Variants in RNF8 observed in about 807,000 individuals in gnomAD.
The protein encoded by RNF8 is ring finger protein 8, also known as E3 ubiquitin-protein ligase RNF8.
A neutral mutation model predicts 59.3 loss-of-function variants in RNF8; 8 were observed. The observed-to-expected ratio is 0.13, with a 90% CI of 0.08 to 0.24. RNF8 has a LOEUF of 0.24. Ranked by LOEUF, RNF8 falls within the 10% of genes least tolerant of loss-of-function variation. The probability of loss-of-function intolerance (pLI) is 1.00; values close to 1 mark genes in which losing one functional copy is unlikely to be tolerated. For missense variants in RNF8, 406 were observed against 572.6 expected (o/e 0.71, Z 2.97); for synonymous variants, 162 against 200.0 (o/e 0.81, Z 1.60).
intron 3 of RNF8, 28 bp from the exon 4 acceptor site, chr6:37,371,484 A>T (rs368468000): frequency 3.1e-6 from 5 of 1,606,216 alleles, no homozygotes; most frequent in Non-Finnish European, 4.3e-6. Context: ...CCTGCAGAGA[A>T]ACCTTCCATT....
Position 37,392,460 on chromosome 6 carries a change from C to T in RNF8, c.*1702C>T. ...CCCTTTCCCCACAGCGACTACTTCC[C>T]ACTCAGAGGCAACAAGTATTACAGT... is the stretch of plus-strand genomic sequence containing the variant. On this transcript the variant is annotated 3_prime_UTR_variant, in exon 8 of 8. Transcript: ENST00000373479. The T allele has an allele frequency of 5.0e-6, 2 of 398,594 alleles. No homozygotes were observed. Among genetic ancestry groups the T allele is most frequent in the Non-Finnish European group, 8.8e-6 (2 of 226,060 alleles). The allele number at this position is 398,594 out of a possible 1,614,324, so 24.7% of individuals were successfully genotyped here. A position where few individuals can be genotyped will look rare whatever the true frequency, so the allele number is the denominator to read the frequency against.
At chr6:37,371,350 C>T (rs1482741377) in intron 3 of RNF8, among the ~76,000 whole-genome samples, 162 bp from the exon 4 acceptor site, 1 of 152,154 alleles carries the variant, frequency 6.6e-6, no homozygotes, top group Non-Finnish European at 1.5e-5. Flanking sequence ...AAATTCTTTA[C>T]TGCCAACAGC....
chr6:37,385,348 G>A (rs1290407242), intron 7 of RNF8, among the ~76,000 whole-genome samples: 1 of 151,326 alleles, frequency 6.6e-6, no homozygotes, highest in Non-Finnish European at 1.5e-5. Context: ...TGTATGCAGG[G>A]CGGGTGCTGT....
At chr6:37,357,553 G>A (rs1769168518) in intron 1 of RNF8, among the ~76,000 whole-genome samples, 1 of 152,192 alleles carries the variant, frequency 6.6e-6, no homozygotes, top group East Asian at 1.9e-4. Context: ...ACTGAATATG[G>A]ACGACAGATA....
chr6:37,371,665 C>T, intron 4 of RNF8, 91 bp downstream of exon 4: 1 of 1,009,410 alleles, frequency 9.9e-7, no homozygotes. Context: ...TGCTGCTTAG[C>T]CCATACCTCT....
intron 4 of RNF8, among the ~76,000 whole-genome samples, chr6:37,371,859 C>G (rs1336886031): frequency 6.6e-6 from 1 of 152,182 alleles, no homozygotes; most frequent in African/African-American, 2.4e-5. Flanking sequence ...GGAAGTGGCT[C>G]CACTTCTAGA....
intron 3 of RNF8, 150 bp downstream of exon 3, chr6:37,369,368 A>G: frequency 1.0e-6 from 1 of 989,244 alleles, no homozygotes; most frequent in Non-Finnish European, 1.5e-6. Context: ...AACTTTTGAG[A>G]TAAGGGAAGG....
intron 1 of RNF8, among the ~76,000 whole-genome samples, chr6:37,358,882 A>T (rs1423911820): frequency 3.3e-5 from 5 of 152,140 alleles, no homozygotes; most frequent in African/African-American, 1.2e-4. Context: ...AGATCACTTG[A>T]GATCAGGAGT....
chr6:37,390,971 C>A lies in RNF8; in HGVS notation c.*213C>A. On this transcript the variant is annotated 3_prime_UTR_variant, in exon 8 of 8. Transcript: ENST00000373479. ...GCTGAAGCACCACCAGGATTCACGGCACCCAACTGCTTCAGGGTACTTCGT... is the reference window on the plus strand; with the variant it reads ...GCTGAAGCACCACCAGGATTCACGGAACCCAACTGCTTCAGGGTACTTCGT... 1 of 697,590 alleles carries A rather than the reference C, an allele frequency of 1.4e-6. No individual in the cohort carries two copies. Among genetic ancestry groups the A allele is most frequent in the South Asian group, 1.6e-5 (1 of 60,900 alleles). 43.2% of individuals were successfully genotyped at this position (697,590 alleles called of 1,614,324 possible).
At chr6:37,385,292 C>T (rs986797988) in intron 7 of RNF8, among the ~76,000 whole-genome samples, 2 of 150,884 alleles carry the variant, frequency 1.3e-5, no homozygotes, top group Non-Finnish European at 3.0e-5. Flanking sequence ...GGATTACAGG[C>T]GTGAGCCACC....
intron 2 of RNF8, among the ~76,000 whole-genome samples, chr6:37,366,157 G>C (rs910083638): frequency 2.6e-5 from 4 of 152,162 alleles, no homozygotes; most frequent in Non-Finnish European, 5.9e-5. Flanking sequence ...TCAGAACTCA[G>C]AAGTTCTGAG....
intron 2 of RNF8, 88 bp from the exon 3 acceptor site, chr6:37,368,396 G>T: frequency 6.2e-7 from 1 of 1,611,716 alleles, no homozygotes. Flanking sequence ...TTCTGAAAAG[G>T]CAGAAGATTT....
At chr6:37,355,793 C>T (rs1400255961) in intron 1 of RNF8, among the ~76,000 whole-genome samples, 1 of 152,214 alleles carries the variant, frequency 6.6e-6, no homozygotes, top group Non-Finnish European at 1.5e-5. Context: ...ACTGATCTTT[C>T]CCTGCCTGGC....
intron 7 of RNF8, among the ~76,000 whole-genome samples, chr6:37,387,963 T>G (rs1770581387): frequency 6.6e-6 from 1 of 152,154 alleles, no homozygotes; most frequent in South Asian, 2.1e-4. Context: ...GACTGGGTCA[T>G]GCAGGGTGTT....
rs1770718465 is a variant in RNF8, at chr6:37,391,197, C to T, written c.*439C>T. 1 of 201,598 alleles carries T rather than the reference C, an allele frequency of 5.0e-6. No homozygotes were observed. Among genetic ancestry groups the T allele is most frequent in the Admixed American group, 5.6e-5 (1 of 17,792 alleles). The allele number at this position is 201,598 out of a possible 1,614,324, so 12.5% of individuals were successfully genotyped here. Reference sequence around the variant, plus strand: ...GGCTTACCTCTTCTTTGTGAAAATACTATCTCATTTCCTGGAAATAAAATG... The same window carrying T: ...GGCTTACCTCTTCTTTGTGAAAATATTATCTCATTTCCTGGAAATAAAATG... On this transcript the variant is annotated 3_prime_UTR_variant, in exon 8 of 8. Coordinates refer to ENST00000373479, the MANE Select transcript of RNF8 (RefSeq NM_003958.4).
At chr6:37,357,732 T>C (rs962782947) in intron 1 of RNF8, among the ~76,000 whole-genome samples, 2 of 152,230 alleles carry the variant, frequency 1.3e-5, no homozygotes, top group African/African-American at 4.8e-5. Context: ...GAGTTCCAAC[T>C]GCTGCTCCAT....
In RNF8 at chr6:37,386,075, A is replaced by G. The variant is rs11963785; in HGVS notation, c.1442-4667A>G. ...GATCTTGAACTCCTGAGCTCGAGCA[A>G]TCCACCCGCCTCAGCCTCCCAAAGT... is the stretch of plus-strand genomic sequence containing the variant. On this transcript the variant is annotated intron_variant, in intron 7 of 7. Coordinates refer to ENST00000373479, the MANE Select transcript of RNF8 (RefSeq NM_003958.4). 8.9e-3 allele frequency among the ~76,000 whole-genome samples: 1,346 copies of G among 151,286 alleles called. 17 individuals carry two copies. The highest frequency in any genetic ancestry group is 0.03 in the African/African-American group (1,239 of 41,396).
chr6:37,388,773 C>CA (rs34628683), intron 7 of RNF8, among the ~76,000 whole-genome samples: 23,956 of 135,442 alleles, frequency 0.18, 2,671 homozygotes, highest in African/African-American at 0.34. Context: ...ACCCCCATCT[C>CA]AAAAAAAAAA....
rs563981871 is a variant in RNF8 at position 37,394,692 on chromosome 6, C to G, written c.*3934C>G. ...ACTTCAACCTGCTGTGATTTGGGGC[C>G]GTTTGTACTCTGCATGTATTCAATA... On this transcript the variant is annotated 3_prime_UTR_variant, in exon 8 of 8. Coordinates refer to ENST00000373479, the MANE Select transcript of RNF8 (RefSeq NM_003958.4). 1 of 152,208 alleles carries G rather than the reference C, an allele frequency of 6.6e-6. No individual in the cohort carries two copies. The highest frequency in any genetic ancestry group is 2.4e-5 in the African/African-American group (1 of 41,504). The allele number at this position is 152,208 out of a possible 1,614,324, so 9.4% of individuals were successfully genotyped here.
Sources: allele counts gnomAD v4.1 joint callset (sites outside exome capture counted in the v4.1 genomes callset), GRCh38; gene constraint gnomAD v4.1.1; transcripts MANE v1.5; gene names NCBI Gene and HGNC (gene_info 2026-07-23, HGNC 2026-07-21).